The following MRTFB variants were observed in gnomAD, a reference collection of about 807,000 sequenced individuals.
MRTFB encodes myocardin related transcription factor B, also known as myocardin-related transcription factor B.
A neutral mutation model predicts 104.2 loss-of-function variants in MRTFB; 29 were observed. The observed-to-expected ratio is 0.28, with a 90% CI of 0.21 to 0.38. The LOEUF (loss-of-function observed/expected upper bound fraction) is 0.38, where lower values mean the gene tolerates loss of function less well. Among genes scored for constraint, MRTFB ranks in the 10% least tolerant of loss-of-function variants. MRTFB has a pLI of 1.00. For missense variants in MRTFB, 1,270 were observed against 1,341.6 expected (o/e 0.95, Z 0.83); for synonymous variants, 535 against 519.5 (o/e 1.03, Z -0.41).
At chr16:14,233,403 A>C (rs1169384767) in intron 8 of MRTFB, among the ~76,000 whole-genome samples, 1 of 152,112 alleles carries the variant, frequency 6.6e-6, no homozygotes, top group Non-Finnish European at 1.5e-5. Context: ...ATGCTGCCGG[A>C]GGGTAGGTCG....
chr16:14,058,712 G>GTTTTTTTTTTT, the MRTFB span, among the ~76,000 whole-genome samples: 11 of 86,846 alleles, frequency 1.3e-4, no homozygotes, highest in East Asian at 7.2e-4. Flanking sequence ...ATTTGTATTT[G>GTTTTTTTTTTT]TTTTTTTTTT....
chr16:14,029,120 C>A, the MRTFB span, among the ~76,000 whole-genome samples: 13 of 151,768 alleles, frequency 8.6e-5, no homozygotes, highest in African/African-American at 2.7e-4. Flanking sequence ...CATAACAAGA[C>A]CCTCGTTTCT....
chr16:14,046,633 G>A, the MRTFB span, among the ~76,000 whole-genome samples: 363 of 152,214 alleles, frequency 2.4e-3, no homozygotes, highest in African/African-American at 8.2e-3. Flanking sequence ...CCGCCCTAAA[G>A]GTGCTAATCC....
intron 2 of MRTFB, among the ~76,000 whole-genome samples, chr16:14,115,342 A>G (rs1171146523): frequency 6.6e-6 from 1 of 152,214 alleles, no homozygotes; most frequent in African/African-American, 2.4e-5. Flanking sequence ...TGCTATGATC[A>G]CATTGCCAAA....
chr16:14,037,308 G>C, the MRTFB span, among the ~76,000 whole-genome samples: 1 of 152,212 alleles, frequency 6.6e-6, no homozygotes, highest in Admixed American at 6.5e-5. Context: ...GGTAGATCAT[G>C]GTTATTGTTA....
the MRTFB span, among the ~76,000 whole-genome samples, chr16:14,062,625 G>A: frequency 6.6e-6 from 1 of 152,138 alleles, no homozygotes; most frequent in Non-Finnish European, 1.5e-5. Flanking sequence ...GTAAGGGGTC[G>A]ACGTCCTTGG....
At chr16:14,158,010 T>C (rs1252361729) in intron 3 of MRTFB, among the ~76,000 whole-genome samples, 1 of 152,210 alleles carries the variant, frequency 6.6e-6, no homozygotes, top group Non-Finnish European at 1.5e-5. Context: ...TGTTTTCCAA[T>C]AGAATTTTTA....
At chr16:13,996,869 G>A in the MRTFB span, among the ~76,000 whole-genome samples, 53 of 152,184 alleles carry the variant, frequency 3.5e-4, no homozygotes, top group Admixed American at 6.5e-4. Flanking sequence ...TATTAGCCGC[G>A]TGGGGCCATC....
At chr16:14,249,225 T>C in intron 13 of MRTFB, 144 bp downstream of exon 13, 5 of 937,646 alleles carry the variant, frequency 5.3e-6, no homozygotes, top group Non-Finnish European at 7.6e-6. Context: ...GAGCCTTAGG[T>C]CAGATGCCAT....
intron 2 of MRTFB, among the ~76,000 whole-genome samples, chr16:14,117,550 T>C (rs532828663): frequency 6.6e-6 from 1 of 152,362 alleles, no homozygotes; most frequent in African/African-American, 2.4e-5. Flanking sequence ...ATGTCTGTTG[T>C]GTTTGTTTAT....
At chr16:14,051,571 T>TAC in the MRTFB span, among the ~76,000 whole-genome samples, 1,400 of 150,824 alleles carry the variant, frequency 9.3e-3, 20 homozygotes, top group African/African-American at 0.031. Flanking sequence ...CTCATACAAA[T>TAC]ACACACACAC....
At chr16:14,227,669 G>T (rs924764341) in intron 8 of MRTFB, among the ~76,000 whole-genome samples, 26 of 151,980 alleles carry the variant, frequency 1.7e-4, no homozygotes, top group African/African-American at 6.0e-4. Flanking sequence ...GCAACACCAC[G>T]CCCAGCTAAT....
At chr16:13,998,607 T>C in the MRTFB span, among the ~76,000 whole-genome samples, 46 of 150,448 alleles carry the variant, frequency 3.1e-4, no homozygotes, top group Middle Eastern at 0.014. Flanking sequence ...GATCACACCA[T>C]TGCATTCCAG....
At chr16:14,111,954 C>T (rs757797920) in intron 2 of MRTFB, among the ~76,000 whole-genome samples, 2 of 152,154 alleles carry the variant, frequency 1.3e-5, no homozygotes, top group South Asian at 2.1e-4. Flanking sequence ...TCTGAGCTCC[C>T]GTCCAGGGCG....
intron 8 of MRTFB, among the ~76,000 whole-genome samples, chr16:14,230,990 G>T (rs1208625791): frequency 6.6e-6 from 1 of 151,530 alleles, no homozygotes; most frequent in Non-Finnish European, 1.5e-5. Flanking sequence ...GTAGGGACAT[G>T]GATGAAATTG....
At chr16:14,210,120 CCTT>C (rs1213630572) in intron 3 of MRTFB, 120 bp from the exon 4 acceptor site, 4 of 647,358 alleles carry the variant, frequency 6.2e-6, no homozygotes, top group Non-Finnish European at 1.0e-5. Context: ...CAGGTAATAT[CCTT>C]CTTTTTAATT....
At chr16:14,252,579 A>C (rs2043302548) in intron 15 of MRTFB, 77 bp downstream of exon 15, 3 of 1,472,718 alleles carry the variant, frequency 2.0e-6, no homozygotes, top group Non-Finnish European at 2.7e-6. Flanking sequence ...ACCTATACAG[A>C]ATCCCTTGTC....
intron 3 of MRTFB, among the ~76,000 whole-genome samples, chr16:14,209,149 C>T (rs2041078825): frequency 6.6e-6 from 1 of 152,220 alleles, no homozygotes; most frequent in Non-Finnish European, 1.5e-5. Flanking sequence ...AGGCCACGTG[C>T]CTGCGTCTGC....
chr16:14,050,890 A>G, the MRTFB span, among the ~76,000 whole-genome samples: 1 of 152,106 alleles, frequency 6.6e-6, no homozygotes, highest in African/African-American at 2.4e-5. Flanking sequence ...GGAAATTCCA[A>G]TGCCCTTGCA....
Sources: gnomAD v4.1 joint callset for allele counts (sites outside exome capture counted in the v4.1 genomes callset) on GRCh38, gnomAD v4.1.1 for gene constraint, MANE v1.5 for transcripts, NCBI Gene and HGNC (gene_info 2026-07-23, HGNC 2026-07-21) for gene names.